PCDHA3: variants seen among roughly 807,000 people sequenced by gnomAD.
PCDHA3 encodes the protein protocadherin alpha-3.
PCDHA3 carries 41 observed loss-of-function variants against 62.2 expected under a neutral mutation model. The ratio of observed to expected loss-of-function variants is 0.66; its 90% CI spans 0.51 to 0.86. PCDHA3 has a LOEUF of 0.86. Ranked by LOEUF, PCDHA3 falls within the 40% of genes least tolerant of loss-of-function variation. PCDHA3 has a pLI of 0.00. For missense variants in PCDHA3, 1,304 were observed against 1,241.2 expected, an observed-to-expected ratio of 1.05 and a Z score of -0.76; for synonymous variants, 640 against 555.4, an observed-to-expected ratio of 1.15 and a Z score of -2.14.
intron 1 of PCDHA3, among the ~76,000 whole-genome samples, chr5:140,932,809 CAT>C (rs782729907): frequency 3.3e-5 from 5 of 151,746 alleles, no homozygotes; most frequent in Admixed American, 6.6e-5. Flanking sequence ...ACCTTGGAAA[CAT>C]ATAAGTGGGA....
intron 1 of PCDHA3, chr5:140,824,238 T>G: frequency 1.3e-6 from 2 of 1,505,084 alleles, no homozygotes; most frequent in African/African-American, 1.4e-5. Flanking sequence ...ACACAAATAT[T>G]GTGGTACACA....
intron 1 of PCDHA3, among the ~76,000 whole-genome samples, chr5:140,902,660 C>A (rs1322922634): frequency 1.3e-5 from 2 of 152,116 alleles, no homozygotes; most frequent in Non-Finnish European, 2.9e-5. Flanking sequence ...GCACCTGTCA[C>A]CCAAGCAGTG....
chr5:140,823,778 T>A lies in PCDHA3; in HGVS notation c.2394+20187T>A, dbSNP rs2150129086. 3.1e-6 allele frequency: 5 copies of A among 1,613,772 alleles called. No individual in the cohort carries two copies. The Admixed American group carries it at 8.3e-5, about 27-fold the overall frequency. On this transcript the variant is annotated intron_variant, in intron 1 of 3. Coordinates refer to ENST00000522353, the MANE Select transcript of PCDHA3 (RefSeq NM_018906.3). ...GCCACAGCCACAGTGCTGGTGTCGC[T>A]GGTGGAAAGTGGCCAGGCGCCGAAG...
At chr5:140,981,223 T>C (rs1472733562) in intron 2 of PCDHA3, among the ~76,000 whole-genome samples, 2 of 152,234 alleles carry the variant, frequency 1.3e-5, no homozygotes, top group Non-Finnish European at 2.9e-5. Context: ...CTTTAGTCAG[T>C]AGTCTAAATT....
At chr5:140,966,374 C>A in intron 1 of PCDHA3, 1 of 405,174 alleles carries the variant, frequency 2.5e-6, no homozygotes, top group South Asian at 1.3e-4. Flanking sequence ...GCTGAGCAGT[C>A]CGGGTTCGCT....
intron 1 of PCDHA3, among the ~76,000 whole-genome samples, chr5:140,958,548 A>C (rs185504563): frequency 6.6e-6 from 1 of 152,180 alleles, no homozygotes; most frequent in African/African-American, 2.4e-5. Context: ...TTATGAACCA[A>C]TAAATGTTTC....
chr5:140,829,196 A>G, intron 1 of PCDHA3: 1 of 1,614,216 alleles, frequency 6.2e-7, no homozygotes, highest in Non-Finnish European at 8.5e-7. Context: ...TGGTACTGTC[A>G]TCGCCCTAAT....
intron 1 of PCDHA3, among the ~76,000 whole-genome samples, chr5:140,820,967 C>T (rs960762202): frequency 6.6e-6 from 1 of 151,658 alleles, no homozygotes; most frequent in African/African-American, 2.4e-5. Flanking sequence ...TGAGTCAATA[C>T]AAAAAGTAGA....
chr5:140,826,240 A>G (rs1198121014), intron 1 of PCDHA3, among the ~76,000 whole-genome samples: 5 of 152,228 alleles, frequency 3.3e-5, no homozygotes, highest in Admixed American at 2.6e-4. Context: ...AACTATTTAT[A>G]TATCTCTTTA....
Position 140,850,144 on chromosome 5 carries a change from C to G in PCDHA3, c.2394+46553C>G. On this transcript the variant is annotated intron_variant, in intron 1 of 3. Transcript: ENST00000522353. ...GTGCCGCCTCTGGGCAGCAACGTGA[C>G]GCTGCAGGTGTTCGTGCTGGACGAG... The G allele has an allele frequency of 1.9e-6, 3 of 1,595,628 alleles. 1 individual carries two copies. In the African/African-American group the frequency reaches 4.0e-5, roughly 21 times the overall value.
At chr5:140,823,911 C>T (rs2150130255) in intron 1 of PCDHA3, 3 of 1,613,880 alleles carry the variant, frequency 1.9e-6, no homozygotes, top group Admixed American at 1.7e-5. Flanking sequence ...TGCTGGTGCT[C>T]ACGCTGCTGC....
Position 140,876,851 on chromosome 5 carries a change from A to G in PCDHA3, c.2394+73260A>G, listed in dbSNP as rs1554169034. ...GCGCCTGCGTTCGCGCAGCCCGAGT[A>G]CACAGTGTTCGTGAAGGAGAACAAC... On this transcript the variant is annotated intron_variant, in intron 1 of 3. Coordinates refer to ENST00000522353, the MANE Select transcript of PCDHA3 (RefSeq NM_018906.3). The G allele has an allele frequency of 5.0e-6, 8 of 1,613,986 alleles. No individual in the cohort carries two copies. In the Admixed American group the frequency reaches 1.3e-4, roughly 27 times the overall value.
chr5:140,968,058 G>A lies in PCDHA3; in HGVS notation c.2395-10891G>A, dbSNP rs532963970. On this transcript the variant is annotated intron_variant, in intron 1 of 3. Transcript: ENST00000522353. The stretch of plus-strand genomic sequence containing the variant: ...GTGAGCGGCCCACTGGACCGAGAGC[G>A]GGTGGCTGTCTACAACATCACGGTG... The A allele has an allele frequency of 1.1e-5, 18 of 1,614,088 alleles. No individual in the cohort carries two copies. The highest frequency in any genetic ancestry group is 4.0e-5 in the African/African-American group (3 of 75,026).
At chr5:140,882,252 G>A in intron 1 of PCDHA3, 1 of 1,597,600 alleles carries the variant, frequency 6.3e-7, no homozygotes, top group Non-Finnish European at 8.5e-7. Context: ...ATAGCTCTGA[G>A]GTTTTTGGAG....
intron 3 of PCDHA3, among the ~76,000 whole-genome samples, chr5:140,990,514 T>C (rs1437267512): frequency 1.3e-5 from 2 of 152,204 alleles, no homozygotes; most frequent in Non-Finnish European, 1.5e-5. Context: ...TCTTCTCTCT[T>C]GTCTTTTTTG....
intron 1 of PCDHA3, among the ~76,000 whole-genome samples, chr5:140,966,009 G>A (rs2153745631): frequency 6.6e-6 from 1 of 152,278 alleles, no homozygotes; most frequent in South Asian, 2.1e-4. Flanking sequence ...AGTGTCCAGG[G>A]AAGATGTGGG....
intron 1 of PCDHA3, among the ~76,000 whole-genome samples, chr5:140,919,699 C>T (rs946203919): frequency 3.3e-5 from 5 of 152,084 alleles, no homozygotes; most frequent in African/African-American, 1.2e-4. Context: ...TTTATATTAA[C>T]TTAATTCTAG....
intron 1 of PCDHA3, chr5:140,807,781 A>G: frequency 3.7e-6 from 6 of 1,614,152 alleles, no homozygotes; most frequent in Non-Finnish European, 5.1e-6. Flanking sequence ...TATTACGGAA[A>G]TCTTTAGACA....
intron 3 of PCDHA3, among the ~76,000 whole-genome samples, chr5:140,993,462 T>TCA (rs3836747): frequency 0.1 from 14,588 of 140,880 alleles, 728 homozygotes; most frequent in Middle Eastern, 0.17. Context: ...TCTTTCTTTC[T>TCA]CACACACACA....
Sources: allele counts gnomAD v4.1 joint callset (sites outside exome capture counted in the v4.1 genomes callset), GRCh38; gene constraint gnomAD v4.1.1; transcripts MANE v1.5; gene names NCBI Gene and HGNC (gene_info 2026-07-23, HGNC 2026-07-21).